SLX4IP: variants seen among roughly 807,000 people sequenced by gnomAD.
SLX4IP encodes the protein SLX4 interacting protein.
A neutral mutation model predicts 32.9 loss-of-function variants in SLX4IP; 34 were observed. That is an observed-to-expected ratio of 1.03 (90% CI 0.79 to 1.38). SLX4IP has a LOEUF of 1.38. Ranked by LOEUF, SLX4IP falls within the 40% of genes most tolerant of loss-of-function variation. The pLI is 0.00. For synonymous variants in SLX4IP, 172 were observed against 171.7 expected, an observed-to-expected ratio of 1.00 and a Z score of -0.01; for missense variants, 444 against 479.0, an observed-to-expected ratio of 0.93 and a Z score of 0.68.
At chr20:10,530,843 C>T (rs658854) in intron 2 of SLX4IP, among the ~76,000 whole-genome samples, 82,211 of 152,020 alleles carry the variant, frequency 0.54, 22,863 homozygotes, top group South Asian at 0.72. Context: ...AAACCAACTT[C>T]GTAGCTGGAT....
At chr20:10,563,326 T>A (rs546924696) in intron 4 of SLX4IP, among the ~76,000 whole-genome samples, 12 of 152,250 alleles carry the variant, frequency 7.9e-5, no homozygotes, top group Non-Finnish European at 1.8e-4. Flanking sequence ...ATTAATAGTT[T>A]GCAAATACTG....
rs536645362 is a variant in SLX4IP, at chr20:10,559,013, G to T, written c.118-1687G>T. Among the ~76,000 whole-genome samples, 3 of 152,264 alleles carry T rather than the reference G, an allele frequency of 2.0e-5. No individual in the cohort carries two copies. The East Asian group carries it at 5.8e-4, about 29-fold the overall frequency. Reference sequence around the variant, plus strand: ...TGCTATTTTTAGTTTTAGCCTTATAGGGCATTTATAGCCAAATTTTAGCAA... The same window carrying T: ...TGCTATTTTTAGTTTTAGCCTTATATGGCATTTATAGCCAAATTTTAGCAA... On this transcript the variant is annotated intron_variant, in intron 3 of 7. Transcript: ENST00000334534.
chr20:10,463,487 T>A (rs2065355121), intron 2 of SLX4IP, among the ~76,000 whole-genome samples: 1 of 152,184 alleles, frequency 6.6e-6, no homozygotes, highest in Non-Finnish European at 1.5e-5. Flanking sequence ...TGTCAAAGTG[T>A]TATATTTCTG....
In SLX4IP at chr20:10,446,240, C is replaced by T. The variant is rs143554354; in HGVS notation, c.-30+10787C>T. ...CAGCCTGGCCATGATGGTGAAACCC[C>T]GTCTCTATTAAAAACATAAAAATTA... On this transcript the variant is annotated intron_variant, in intron 1 of 7. Transcript: ENST00000334534. Among the ~76,000 whole-genome samples, 6 of 151,558 alleles carry T rather than the reference C, an allele frequency of 4.0e-5. No individual in the cohort carries two copies. The East Asian group carries it at 5.9e-4, about 15-fold the overall frequency.
chr20:10,617,652 C>CTTTTTTTTTTTTT (rs549525000), intron 6 of SLX4IP, among the ~76,000 whole-genome samples: 2 of 112,764 alleles, frequency 1.8e-5, no homozygotes, highest in Non-Finnish European at 3.5e-5. Context: ...TTCTTTCTTT[C>CTTTTTTTTTTTTT]TTTTTTTTTT....
intron 6 of SLX4IP, among the ~76,000 whole-genome samples, chr20:10,614,560 A>C (rs1354112608): frequency 6.6e-6 from 1 of 152,180 alleles, no homozygotes; most frequent in Non-Finnish European, 1.5e-5. Context: ...CATAAACTCC[A>C]ACCTCAGCTA....
chr20:10,486,184 A>ATT (rs34444606), intron 2 of SLX4IP, among the ~76,000 whole-genome samples: 4,207 of 145,068 alleles, frequency 0.029, 128 homozygotes, highest in Admixed American at 0.1. Context: ...CCTTGCTTAA[A>ATT]TTTTTTTTTT....
chr20:10,616,594 C>T (rs973275087), intron 6 of SLX4IP, among the ~76,000 whole-genome samples: 4 of 151,886 alleles, frequency 2.6e-5, no homozygotes, highest in African/African-American at 7.3e-5. Flanking sequence ...CCCTGGTTTA[C>T]GCTCCAGTTT....
At chr20:10,441,503 G>T (rs1030651868) in intron 1 of SLX4IP, among the ~76,000 whole-genome samples, 2 of 152,236 alleles carry the variant, frequency 1.3e-5, no homozygotes, top group East Asian at 1.9e-4. Flanking sequence ...TGCAGTGGCT[G>T]GTGGGGATTT....
At chr20:10,555,759 A>G (rs888344058) in intron 2 of SLX4IP, among the ~76,000 whole-genome samples, 3 of 152,174 alleles carry the variant, frequency 2.0e-5, no homozygotes, top group Admixed American at 2.0e-4. Flanking sequence ...TCCTATTTCA[A>G]TTCCAAAGTG....
rs2067109566 is a variant in SLX4IP, at chr20:10,621,337, G to A, written c.429G>A (p.Val143=). Residue 143 remains valine (V), a synonymous_variant, in exon 7 of 8, where the codon GTG becomes GTA. Transcript: ENST00000334534. ...EDLTERVLHG[V]SDYFAECAES... The stretch of plus-strand genomic sequence containing the variant: ...AGACAGAAAGAGTTCTCCATGGAGT[G>A]TCTGATTACTTTGCTGAGTGTGCAG... The A allele has an allele frequency of 6.2e-7, 1 of 1,614,188 alleles. No individual in the cohort carries two copies. The highest frequency in any genetic ancestry group is 8.5e-7 in the Non-Finnish European group (1 of 1,180,006).
chr20:10,486,923 C>G (rs2065579149), intron 2 of SLX4IP, among the ~76,000 whole-genome samples: 1 of 102,962 alleles, frequency 9.7e-6, no homozygotes, highest in African/African-American at 2.9e-5. Context: ...CAAACTTGCT[C>G]TGTTTTTTTT....
In SLX4IP at chr20:10,627,069, G is replaced by C. The variant is rs148039254; in HGVS notation, c.*3690G>C. The stretch of plus-strand genomic sequence containing the variant: ...GAGAGTGGCCTGGGATCACAGTGTC[G>C]TCATTCCCAATTTCCTTGAATTCCT... On this transcript the variant is annotated 3_prime_UTR_variant, in exon 8 of 8. Coordinates refer to ENST00000334534, the MANE Select transcript of SLX4IP (RefSeq NM_001009608.3). The C allele has an allele frequency of 4.6e-5, 7 of 152,302 alleles. No homozygotes were observed. The East Asian group carries it at 1.3e-3, about 29-fold the overall frequency. The allele number at this position is 152,302 out of a possible 1,614,324, so 9.4% of individuals were successfully genotyped here. A position where few individuals can be genotyped will look rare whatever the true frequency, so the allele number is the denominator to read the frequency against.
At chr20:10,614,751 A>G (rs1016392543) in intron 6 of SLX4IP, among the ~76,000 whole-genome samples, 8 of 152,140 alleles carry the variant, frequency 5.3e-5, no homozygotes, top group African/African-American at 1.9e-4. Context: ...CTGCCTCACC[A>G]AGCTGTATTG....
chr20:10,514,132 G>T (rs990141317), intron 2 of SLX4IP, among the ~76,000 whole-genome samples: 8 of 152,168 alleles, frequency 5.3e-5, no homozygotes, highest in African/African-American at 1.9e-4. Context: ...TCAAAGAAAA[G>T]TGCAAAGAAG....
rs1008795876 is a variant in SLX4IP, at chr20:10,624,732, G to C, written c.*1353G>C. ...ACAGGCATAGTGTAGGTTCATGCTTGAGATGGATTAGTGGTTTATTCCATC... is the reference window on the plus strand; with the variant it reads ...ACAGGCATAGTGTAGGTTCATGCTTCAGATGGATTAGTGGTTTATTCCATC... On this transcript the variant is annotated 3_prime_UTR_variant, in exon 8 of 8. Coordinates refer to ENST00000334534, the MANE Select transcript of SLX4IP (RefSeq NM_001009608.3). The C allele has an allele frequency of 1.3e-5, 2 of 152,088 alleles. No homozygotes were observed. The highest frequency in any genetic ancestry group is 6.5e-5 in the Admixed American group (1 of 15,274). 9.4% of individuals were successfully genotyped at this position (152,088 alleles called of 1,614,324 possible).
intron 6 of SLX4IP, among the ~76,000 whole-genome samples, chr20:10,617,568 CCA>C (rs2067051614): frequency 1.3e-5 from 2 of 152,086 alleles, no homozygotes. Flanking sequence ...CTTGGTTTAT[CCA>C]CAGTTTCAAT....
At chr20:10,584,139 T>C (rs2066618218) in intron 4 of SLX4IP, among the ~76,000 whole-genome samples, 1 of 151,972 alleles carries the variant, frequency 6.6e-6, no homozygotes, top group Admixed American at 6.6e-5. Flanking sequence ...TTTTTTCCCC[T>C]ATAAAAACGC....
At position 10,601,819 on chromosome 20, in the gene SLX4IP, G is replaced by A. The variant is rs376636809; in HGVS notation, c.405G>A (p.Leu135=). 40 of 1,612,960 alleles carry A rather than the reference G, an allele frequency of 2.5e-5. No individual in the cohort carries two copies. Among genetic ancestry groups the A allele is most frequent in the Non-Finnish European group, 3.1e-5 (37 of 1,179,298 alleles). ...RDLLASQNED[L]TERVLHGVSD... The stretch of plus-strand genomic sequence containing the variant: ...TTTTAGCAAGTCAGAATGAAGATTT[G>A]GTGAGTATGAAAAAATTCTATAAAC... The change falls in exon 6 of 8, where the codon TTG becomes TTA. Residue 135 remains leucine (L), a splice_region_variant and synonymous_variant. Transcript: ENST00000334534.
Sources: allele counts gnomAD v4.1 joint callset (sites outside exome capture counted in the v4.1 genomes callset), GRCh38; gene constraint gnomAD v4.1.1; transcripts MANE v1.5; gene names NCBI Gene and HGNC (gene_info 2026-07-23, HGNC 2026-07-21).